IQUB: variants seen among roughly 807,000 people sequenced by gnomAD.
The protein encoded by IQUB is IQ motif and ubiquitin domain containing, also known as IQ motif and ubiquitin-like domain-containing protein.
IQUB carries 86 observed loss-of-function variants against 86.4 expected under a neutral mutation model. The ratio of observed to expected loss-of-function variants is 1.00; its 90% CI spans 0.84 to 1.19. The LOEUF is 1.19. Ranked by LOEUF, IQUB falls within the 50% of genes most tolerant of loss-of-function variation. The probability of loss-of-function intolerance (pLI) is 0.00; values close to 1 mark genes in which losing one functional copy is unlikely to be tolerated. For missense variants in IQUB, 946 were observed against 916.9 expected, an observed-to-expected ratio of 1.03 and a Z score of -0.41; for synonymous variants, 289 against 304.5, an observed-to-expected ratio of 0.95 and a Z score of 0.53.
chr7:123,469,499 G>A (rs533244980), intron 8 of IQUB, 115 bp from the exon 9 acceptor site: 93 of 489,822 alleles, frequency 1.9e-4, no homozygotes, highest in Non-Finnish European at 2.8e-4. Context: ...CTAAAGTATT[G>A]CTAAAGCTTA....
chr7:123,485,230 G>C (rs1418662966), intron 7 of IQUB, among the ~76,000 whole-genome samples: 1 of 152,030 alleles, frequency 6.6e-6, no homozygotes, highest in Non-Finnish European at 1.5e-5. Context: ...TTCTTCTGAG[G>C]GCTTCTCAGC....
intron 12 of IQUB, among the ~76,000 whole-genome samples, chr7:123,455,226 G>A (rs928720917): frequency 6.6e-6 from 1 of 151,740 alleles, no homozygotes; most frequent in African/African-American, 2.4e-5. Context: ...TCATTTCTTT[G>A]TGCTGGGAAC....
intron 1 of IQUB, among the ~76,000 whole-genome samples, chr7:123,533,141 C>G (rs888370057): frequency 1.3e-5 from 2 of 152,214 alleles, no homozygotes; most frequent in East Asian, 1.9e-4. Context: ...AAATTCAAAA[C>G]GAGTCTACTC....
At chr7:123,503,407 A>G in intron 3 of IQUB, 44 bp from the exon 4 acceptor site, 1 of 985,418 alleles carries the variant, frequency 1.0e-6, no homozygotes. Flanking sequence ...TGACAAAGAA[A>G]TGGCTATTCA....
intron 1 of IQUB, among the ~76,000 whole-genome samples, chr7:123,533,246 C>T (rs1797626506): frequency 6.6e-6 from 1 of 152,208 alleles, no homozygotes; most frequent in Non-Finnish European, 1.5e-5. Context: ...ACATCTATCT[C>T]TGTATATATG....
chr7:123,523,988 A>G (rs1176139363), intron 1 of IQUB, among the ~76,000 whole-genome samples: 1 of 151,668 alleles, frequency 6.6e-6, no homozygotes, highest in Non-Finnish European at 1.5e-5. Flanking sequence ...CGTTTTTCTC[A>G]GGTTTGTCAA....
intron 8 of IQUB, among the ~76,000 whole-genome samples, chr7:123,476,757 C>T (rs1377806789): frequency 6.6e-6 from 1 of 150,706 alleles, no homozygotes; most frequent in Admixed American, 6.7e-5. Flanking sequence ...GATAGGAAGG[C>T]CTATTTGATA....
intron 1 of IQUB, among the ~76,000 whole-genome samples, chr7:123,533,777 G>A (rs983247800): frequency 1.3e-5 from 2 of 152,168 alleles, no homozygotes; most frequent in Non-Finnish European, 2.9e-5. Context: ...CCTGGAGATG[G>A]GGAGAAATGG....
intron 9 of IQUB, 63 bp downstream of exon 9, chr7:123,469,151 T>G (rs1228046869): frequency 1.8e-6 from 2 of 1,124,842 alleles, no homozygotes; most frequent in Non-Finnish European, 2.4e-6. Flanking sequence ...TGTTTTAGTA[T>G]TTCATTAATT....
At position 123,510,054 on chromosome 7, in the gene IQUB, AGAAAGAATTATAGT is replaced by A; in HGVS notation, c.398-33_398-20del. On this transcript the variant is annotated intron_variant, in intron 2 of 12. Coordinates refer to ENST00000324698, the MANE Select transcript of IQUB (RefSeq NM_178827.5). The stretch of plus-strand genomic sequence containing the variant: ...ACTTTTACTGTAAATTAAATAGAAA[AGAAAGAATTATAGT>A]CAAATATAGCAAAGGTCAGCAAACT... 1 of 1,491,994 alleles carries A rather than the reference AGAAAGAATTATAGT, an allele frequency of 6.7e-7. No individual in the cohort carries two copies. The highest frequency in any genetic ancestry group is 9.2e-7 in the Non-Finnish European group (1 of 1,089,290). The allele number at this position is 1,491,994 out of a possible 1,614,324, so 92.4% of individuals were successfully genotyped here. A position where few individuals can be genotyped will look rare whatever the true frequency, so the allele number is the denominator to read the frequency against.
intron 3 of IQUB, among the ~76,000 whole-genome samples, chr7:123,507,566 C>A (rs895371620): frequency 1.3e-5 from 2 of 152,094 alleles, no homozygotes; most frequent in Non-Finnish European, 1.5e-5. Flanking sequence ...CTACTTCACA[C>A]CCTAAATTCT....
At chr7:123,534,446 T>C (rs1275387506) in intron 1 of IQUB, 46 bp downstream of exon 1, 2 of 152,610 alleles carry the variant, frequency 1.3e-5, no homozygotes, top group East Asian at 3.9e-4. Context: ...CTAGGCTGGA[T>C]CTAAGCGTCG....
chr7:123,471,444 A>G (rs1018610579), intron 8 of IQUB, among the ~76,000 whole-genome samples: 1 of 152,142 alleles, frequency 6.6e-6, no homozygotes, highest in Non-Finnish European at 1.5e-5. Flanking sequence ...CTTTGCATAC[A>G]ATTTTCCTCA....
intron 3 of IQUB, among the ~76,000 whole-genome samples, chr7:123,508,272 C>A (rs1796275295): frequency 6.6e-6 from 1 of 152,238 alleles, no homozygotes. Context: ...TCCAGAGGGA[C>A]AGCAGCCCTG....
chr7:123,468,347 G>C (rs955574814), intron 9 of IQUB, among the ~76,000 whole-genome samples: 1 of 152,206 alleles, frequency 6.6e-6, no homozygotes, highest in South Asian at 2.1e-4. Flanking sequence ...CTTGCTTTGG[G>C]GCCTATCTAA....
At position 123,493,721 on chromosome 7, in the gene IQUB, A is replaced by ATGTGTG. The variant is rs753344642; in HGVS notation, c.1234+2969_1234+2974dup. ...CTGCTAGGTTTACACCCTGAGAGAA[A>ATGTGTG]TGTGTGTGTATGTGTGTGTGTGTGT... On this transcript the variant is annotated intron_variant, in intron 7 of 12. Transcript: ENST00000324698. Among the ~76,000 whole-genome samples the ATGTGTG allele has an allele frequency of 7.7e-3, 983 of 128,336 alleles. 10 individuals are homozygous for ATGTGTG. Among genetic ancestry groups the ATGTGTG allele is most frequent in the South Asian group, 0.011 (43 of 3,964 alleles). 84.2% of individuals were successfully genotyped at this position (128,336 alleles called of 152,430 possible). A position where few individuals can be genotyped will look rare whatever the true frequency, so the allele number is the denominator to read the frequency against.
At chr7:123,455,697 T>G (rs377677493) in intron 12 of IQUB, among the ~76,000 whole-genome samples, 1 of 152,128 alleles carries the variant, frequency 6.6e-6, no homozygotes. Flanking sequence ...GAGCCAGAGC[T>G]GCTTTTATCC....
At chr7:123,458,612 C>A (rs73222251) in intron 11 of IQUB, among the ~76,000 whole-genome samples, 7 of 151,918 alleles carry the variant, frequency 4.6e-5, no homozygotes, top group African/African-American at 2.4e-5. Context: ...ATTCAAAATG[C>A]ATCTTGTTTA....
chr7:123,519,005 A>G (rs764952249), intron 1 of IQUB, among the ~76,000 whole-genome samples: 2 of 150,380 alleles, frequency 1.3e-5, no homozygotes, highest in Non-Finnish European at 3.0e-5. Flanking sequence ...CATCAATATA[A>G]TCACTACATT....
Sources: allele counts gnomAD v4.1 joint callset (sites outside exome capture counted in the v4.1 genomes callset), GRCh38; gene constraint gnomAD v4.1.1; transcripts MANE v1.5; gene names NCBI Gene and HGNC (gene_info 2026-07-23, HGNC 2026-07-21).